Variants in INTS4 observed in about 807,000 individuals in gnomAD.
The protein encoded by INTS4 is integrator complex subunit 4, also known as MSTP093.
INTS4 carries 70 observed loss-of-function variants against 119.5 expected under a neutral mutation model. The ratio of observed to expected loss-of-function variants is 0.59; its 90% CI spans 0.48 to 0.71. The LOEUF (loss-of-function observed/expected upper bound fraction) is 0.71, where lower values mean the gene tolerates loss of function less well. Ranked by LOEUF, INTS4 falls within the 30% of genes least tolerant of loss-of-function variation. The pLI, the probability that INTS4 is intolerant of heterozygous loss-of-function variation, is 0.00. For synonymous variants in INTS4, 316 were observed against 419.6 expected, an observed-to-expected ratio of 0.75 and a Z score of 3.02; for missense variants, 867 against 1,173.2, an observed-to-expected ratio of 0.74 and a Z score of 3.81.
rs191527820 is a variant in INTS4, at chr11:77,927,528, G to C, written c.1371+814C>G. ...CATTTATGAATACTCTGAAGAACTT[G>C]AGTAGTTGCAATTAAAATCCAGACA... On this transcript the variant is annotated intron_variant, in intron 11 of 22. Transcript: ENST00000534064. 5.3e-5 allele frequency among the ~76,000 whole-genome samples: 8 copies of C among 152,278 alleles called. No homozygotes were observed. The East Asian group carries it at 1.4e-3, about 26-fold the overall frequency.
intron 10 of INTS4, among the ~76,000 whole-genome samples, chr11:77,934,165 G>C (rs1168735424): frequency 6.6e-6 from 1 of 151,854 alleles, no homozygotes; most frequent in Non-Finnish European, 1.5e-5. Flanking sequence ...TGCAAGATGG[G>C]CTTTGTTAAA....
chr11:77,900,263 C>CT (rs1412812420), intron 18 of INTS4, among the ~76,000 whole-genome samples: 2 of 152,016 alleles, frequency 1.3e-5, no homozygotes, highest in Non-Finnish European at 2.9e-5. Context: ...CCATGCCCGG[C>CT]TAATTTTATG....
At position 77,901,456 on chromosome 11, in the gene INTS4, A is replaced by C; in HGVS notation, c.2193T>G (p.Ala731=). 6.2e-7 allele frequency: 1 copy of C among 1,613,960 alleles called. No homozygotes were observed. Among genetic ancestry groups the C allele is most frequent in the East Asian group, 2.2e-5 (1 of 44,874 alleles). ...IIHHMRLQAK[A]LQLIVTARTT... is the part of the protein sequence containing the mutation. Reference sequence around the variant, plus strand: ...TTCGTGCTGTTACTATAAGTTGCAAAGCTTTGGCCTGCAGCCTCATGTGAT... The same window carrying C: ...TTCGTGCTGTTACTATAAGTTGCAACGCTTTGGCCTGCAGCCTCATGTGAT... Residue 731 remains alanine, a synonymous_variant, in exon 18 of 23, where the codon GCT becomes GCG. Coordinates refer to ENST00000534064, the MANE Select transcript of INTS4 (RefSeq NM_033547.4).
At chr11:77,917,191 T>C (rs530858109) in intron 15 of INTS4, among the ~76,000 whole-genome samples, 6 of 152,316 alleles carry the variant, frequency 3.9e-5, no homozygotes, top group African/African-American at 1.4e-4. Flanking sequence ...TGTTTCTTAG[T>C]GTATGGAATG....
Position 77,981,578 on chromosome 11 carries a change from TG to T in INTS4, c.247-3del. On this transcript the variant is annotated splice_region_variant and splice_polypyrimidine_tract_variant and intron_variant, in intron 2 of 22. Coordinates refer to ENST00000534064, the MANE Select transcript of INTS4 (RefSeq NM_033547.4). ...CAGTCTCACAGATGGATCATTCTCC[TG>T]GAAAAAAAGAAGCAATTGTCACTTT... The T allele has an allele frequency of 6.6e-7, 1 of 1,521,766 alleles. No individual in the cohort carries two copies. Among genetic ancestry groups the T allele is most frequent in the Non-Finnish European group, 8.9e-7 (1 of 1,118,742 alleles). 94.3% of individuals were successfully genotyped at this position (1,521,766 alleles called of 1,614,324 possible).
In INTS4 at chr11:77,979,242, AG is replaced by A. The variant is rs1591138271; in HGVS notation, c.365-141del. On this transcript the variant is annotated intron_variant, in intron 3 of 22. Coordinates refer to ENST00000534064, the MANE Select transcript of INTS4 (RefSeq NM_033547.4). ...TCCCAGCACTTTGAGAAGCCTAGGC[AG>A]GAGAATCCCTTGAGCCCAGGAGTTC... The A allele has an allele frequency of 9.6e-6, 5 of 523,384 alleles. No homozygotes were observed. The East Asian group carries it at 1.7e-4, about 18-fold the overall frequency. The allele number at this position is 523,384 out of a possible 1,614,324, so 32.4% of individuals were successfully genotyped here.
chr11:77,932,929 G>T (rs558388773), intron 10 of INTS4, among the ~76,000 whole-genome samples: 1 of 147,168 alleles, frequency 6.8e-6, no homozygotes, highest in African/African-American at 2.5e-5. Flanking sequence ...CACTGAAGGT[G>T]GGGGGGCATC....
chr11:77,894,251 C>T, intron 19 of INTS4, 39 bp downstream of exon 19: 2 of 1,132,666 alleles, frequency 1.8e-6, no homozygotes, highest in Non-Finnish European at 2.6e-6. Context: ...CTCCATGTAA[C>T]CAAGATTTAA....
At chr11:77,956,152 T>G in intron 7 of INTS4, 90 bp from the exon 8 acceptor site, 1 of 1,482,216 alleles carries the variant, frequency 6.7e-7, no homozygotes, top group Non-Finnish European at 9.0e-7. Flanking sequence ...CTCACATCTA[T>G]AATCCCAACA....
intron 21 of INTS4, among the ~76,000 whole-genome samples, chr11:77,890,923 A>G (rs1952234203): frequency 6.6e-6 from 1 of 152,206 alleles, no homozygotes. Context: ...CATAAATTTT[A>G]TCTGCCAGCC....
rs908957124 is a variant in INTS4 at position 77,921,466 on chromosome 11, T to C, written c.1638A>G (p.Ala546=). ...CAGCATTGAAAATAAGTACCAAAACTGCAATATCTGATAGATGACTGGGTT... is the reference window on the plus strand; with the variant it reads ...CAGCATTGAAAATAAGTACCAAAACCGCAATATCTGATAGATGACTGGGTT... ...EPDMDDPAYI[A]VLVLIFNAAK... Residue 546 remains alanine (A), a synonymous_variant, in exon 14 of 23, where the codon GCA becomes GCG. Coordinates refer to ENST00000534064, the MANE Select transcript of INTS4 (RefSeq NM_033547.4). 2.1e-5 allele frequency: 33 copies of C among 1,604,872 alleles called. No individual in the cohort carries two copies. Among genetic ancestry groups the C allele is most frequent in the Non-Finnish European group, 2.6e-5 (30 of 1,171,992 alleles).
intron 2 of INTS4, among the ~76,000 whole-genome samples, chr11:77,985,761 A>G (rs1247523106): frequency 6.6e-6 from 1 of 152,218 alleles, no homozygotes; most frequent in Admixed American, 6.5e-5. Context: ...AGCACTTACT[A>G]TCTACATACT....
intron 11 of INTS4, among the ~76,000 whole-genome samples, chr11:77,925,598 G>A (rs899788162): frequency 6.6e-6 from 1 of 152,212 alleles, no homozygotes; most frequent in Non-Finnish European, 1.5e-5. Context: ...TCAAGAATGA[G>A]AAATATTAAA....
At chr11:77,917,864 G>T (rs530793536) in intron 15 of INTS4, among the ~76,000 whole-genome samples, 1 of 151,558 alleles carries the variant, frequency 6.6e-6, no homozygotes, top group Non-Finnish European at 1.5e-5. Flanking sequence ...TAGAGTCATC[G>T]CATGTAAACC....
intron 15 of INTS4, among the ~76,000 whole-genome samples, chr11:77,916,732 G>C (rs1565242081): frequency 6.6e-6 from 1 of 152,220 alleles, no homozygotes; most frequent in Non-Finnish European, 1.5e-5. Context: ...ACTAGCTAAA[G>C]GATCTTCTCC....
At chr11:77,882,362 G>A (rs887292009) in intron 22 of INTS4, among the ~76,000 whole-genome samples, 2 of 150,596 alleles carry the variant, frequency 1.3e-5, no homozygotes, top group Admixed American at 1.3e-4. Flanking sequence ...TCTAACTCTG[G>A]CCTTGGCAAT....
At chr11:77,946,218 TAGCTGAAGATTAC>T (rs1440552296) in intron 8 of INTS4, among the ~76,000 whole-genome samples, 2 of 152,208 alleles carry the variant, frequency 1.3e-5, no homozygotes, top group Non-Finnish European at 2.9e-5. Context: ...ACTAGGATTA[TAGCTGAAGATTAC>T]AGCTGAAGCT....
chr11:77,883,796 C>A (rs761809809), intron 22 of INTS4, 36 bp downstream of exon 22: 1 of 1,607,556 alleles, frequency 6.2e-7, no homozygotes, highest in Non-Finnish European at 8.5e-7. Flanking sequence ...TCTCCAGCAG[C>A]ATATTTCCCT....
chr11:77,962,062 C>T (rs1485242481), intron 4 of INTS4, among the ~76,000 whole-genome samples: 1 of 152,194 alleles, frequency 6.6e-6, no homozygotes, highest in Non-Finnish European at 1.5e-5. Flanking sequence ...CCTATAATCC[C>T]AGCACTTTGG....
Sources: allele counts gnomAD v4.1 joint callset (sites outside exome capture counted in the v4.1 genomes callset), GRCh38; gene constraint gnomAD v4.1.1; transcripts MANE v1.5; gene names NCBI Gene and HGNC (gene_info 2026-07-23, HGNC 2026-07-21).